The following PIK3AP1 variants were observed in gnomAD, a reference collection of about 807,000 sequenced individuals.
The protein encoded by PIK3AP1 is phosphoinositide-3-kinase adaptor protein 1, also known as phosphoinositide 3-kinase adapter protein 1.
Under a neutral mutation model 88.1 loss-of-function variants are expected in PIK3AP1, and 21 were observed. The ratio of observed to expected loss-of-function variants is 0.24; its 90% CI spans 0.17 to 0.34. PIK3AP1 has a LOEUF of 0.34. Ranked by LOEUF, PIK3AP1 falls within the 10% of genes least tolerant of loss-of-function variation. The pLI, the probability that PIK3AP1 is intolerant of heterozygous loss-of-function variation, is 1.00. For synonymous variants in PIK3AP1, 398 were observed against 400.0 expected, an observed-to-expected ratio of 1.00 and a Z score of 0.06; for missense variants, 828 against 1,035.7, an observed-to-expected ratio of 0.80 and a Z score of 2.75.
At chr10:96,691,620 G>C (rs141918001) in intron 2 of PIK3AP1, among the ~76,000 whole-genome samples, 238 of 152,272 alleles carry the variant, frequency 1.6e-3, no homozygotes, top group African/African-American at 5.6e-3. Flanking sequence ...TTTTAACTCA[G>C]GATTCCATCA....
chr10:96,609,649 G>A, intron 14 of PIK3AP1, 63 bp downstream of exon 14: 1 of 1,564,524 alleles, frequency 6.4e-7, no homozygotes, highest in South Asian at 1.2e-5. Flanking sequence ...GTTTCCTAAG[G>A]TCCAAGGGTG....
chr10:96,617,939 A>C (rs1285127848), intron 12 of PIK3AP1, among the ~76,000 whole-genome samples: 2 of 152,196 alleles, frequency 1.3e-5, no homozygotes, highest in Non-Finnish European at 2.9e-5. Context: ...AAGGAGCTGA[A>C]GGAAAGCTTC....
At chr10:96,656,275 C>T (rs954213556) in intron 3 of PIK3AP1, among the ~76,000 whole-genome samples, 2 of 152,200 alleles carry the variant, frequency 1.3e-5, no homozygotes, top group African/African-American at 2.4e-5. Flanking sequence ...GTAATGTATG[C>T]CCCACCCCTG....
rs560907040 is a variant in PIK3AP1 at position 96,632,784 on chromosome 10, A to G, written c.1376-4291T>C. 2.6e-5 allele frequency: 37 copies of G among 1,433,140 alleles called. No homozygotes were observed. In the African/African-American group the frequency reaches 4.7e-4, roughly 18 times the overall value. The allele number at this position is 1,433,140 out of a possible 1,614,324, so 88.8% of individuals were successfully genotyped here. A position where few individuals can be genotyped will look rare whatever the true frequency, so the allele number is the denominator to read the frequency against. On this transcript the variant is annotated intron_variant, in intron 8 of 16. Coordinates refer to ENST00000339364, the MANE Select transcript of PIK3AP1 (RefSeq NM_152309.3). ...AGCGTGGGCATTAGGATCGCAATGC[A>G]TAGGTTCCAATTGTGTTTTTCCCAC... is the stretch of plus-strand genomic sequence containing the variant.
chr10:96,594,468 T>G lies in PIK3AP1; in HGVS notation c.*1109A>C, dbSNP rs1426786446. On this transcript the variant is annotated 3_prime_UTR_variant, in exon 17 of 17. Coordinates refer to ENST00000339364, the MANE Select transcript of PIK3AP1 (RefSeq NM_152309.3). The surrounding 1 kb of genome is among the most constrained non-coding windows in gnomAD (Gnocchi z 4.6). ...AAATTCAAGTTTTGCTTTTTGAAAC[T>G]TTGTAGATTTTTTTTCAAATATTTT... 2 of 152,244 alleles carry G rather than the reference T, an allele frequency of 1.3e-5. No individual in the cohort carries two copies. The highest frequency in any genetic ancestry group is 2.9e-5 in the Non-Finnish European group (2 of 68,048). 9.4% of individuals were successfully genotyped at this position (152,244 alleles called of 1,614,324 possible). A position where few individuals can be genotyped will look rare whatever the true frequency, so the allele number is the denominator to read the frequency against.
chr10:96,640,229 G>A (rs1042786359), intron 8 of PIK3AP1, among the ~76,000 whole-genome samples: 18 of 152,142 alleles, frequency 1.2e-4, no homozygotes, highest in African/African-American at 3.9e-4. Context: ...AGTTTCTAAC[G>A]GCAAGATGAT....
intron 2 of PIK3AP1, among the ~76,000 whole-genome samples, chr10:96,699,819 A>C (rs1358112008): frequency 6.6e-6 from 1 of 152,192 alleles, no homozygotes; most frequent in Non-Finnish European, 1.5e-5. Flanking sequence ...TCATCTTTAA[A>C]ACGGAAATAA....
rs1429137661 is a variant in PIK3AP1, at chr10:96,628,906, A to G, written c.1376-413T>C. Among the ~76,000 whole-genome samples, 31 of 13,242 alleles carry G rather than the reference A, an allele frequency of 2.3e-3. 1 individual carries two copies. The highest frequency in any genetic ancestry group is 5.6e-3 in the African/African-American group (31 of 5,560). The allele number at this position is 13,242 out of a possible 152,430, so 8.7% of individuals were successfully genotyped here. A position where few individuals can be genotyped will look rare whatever the true frequency, so the allele number is the denominator to read the frequency against. Reference sequence around the variant, plus strand: ...TATATATACATATATATATATATATATGTGTATATATATATATATATATGG... The same window carrying G: ...TATATATACATATATATATATATATGTGTGTATATATATATATATATATGG... On this transcript the variant is annotated intron_variant, in intron 8 of 16. Transcript: ENST00000339364.
chr10:96,677,335 C>A (rs1285715289), intron 2 of PIK3AP1, among the ~76,000 whole-genome samples: 1 of 152,092 alleles, frequency 6.6e-6, no homozygotes, highest in African/African-American at 2.4e-5. Context: ...AATCCAAATT[C>A]TTTAAGAAAT....
Position 96,628,358 on chromosome 10 carries a change from T to C in PIK3AP1, c.1471+40A>G, listed in dbSNP as rs758004337. 4.0e-6 allele frequency: 6 copies of C among 1,490,420 alleles called. No homozygotes were observed. In the South Asian group the frequency reaches 6.8e-5, roughly 17 times the overall value. The allele number at this position is 1,490,420 out of a possible 1,614,324, so 92.3% of individuals were successfully genotyped here. ...AGACAATGTCTTGCATTTGTTTCTC[T>C]TTTGCTCTTTTGGCTTCCCTGCTCA... On this transcript the variant is annotated intron_variant, in intron 9 of 16. Transcript: ENST00000339364.
intron 2 of PIK3AP1, among the ~76,000 whole-genome samples, chr10:96,690,903 C>T (rs1844145559): frequency 1.3e-5 from 2 of 152,138 alleles, no homozygotes; most frequent in African/African-American, 4.8e-5. Flanking sequence ...AGTTGGAAGA[C>T]GTGAGGTATG....
chr10:96,641,956 C>T (rs773504892), intron 8 of PIK3AP1, among the ~76,000 whole-genome samples: 4 of 152,178 alleles, frequency 2.6e-5, no homozygotes, highest in African/African-American at 4.8e-5. Context: ...TGCCTTGTCA[C>T]CTACAGAGCC....
chr10:96,653,479 C>CTTTTTTTTTTT (rs748930022), intron 3 of PIK3AP1, among the ~76,000 whole-genome samples: 1 of 61,806 alleles, frequency 1.6e-5, no homozygotes. Flanking sequence ...ACTTTATACA[C>CTTTTTTTTTTT]TTTTTTTTTT....
chr10:96,680,201 T>G (rs534756551), intron 2 of PIK3AP1, among the ~76,000 whole-genome samples: 1 of 152,354 alleles, frequency 6.6e-6, no homozygotes, highest in East Asian at 1.9e-4. Flanking sequence ...TGGAACACCA[T>G]TCTTGGTAGA....
At chr10:96,661,013 T>C (rs1444704061) in intron 2 of PIK3AP1, among the ~76,000 whole-genome samples, 5 of 152,088 alleles carry the variant, frequency 3.3e-5, no homozygotes, top group Admixed American at 6.5e-5. Flanking sequence ...GGTGAAACCC[T>C]GTTTCTACTG....
chr10:96,678,225 G>GGAGT (rs1442144694), intron 2 of PIK3AP1, among the ~76,000 whole-genome samples: 1 of 152,144 alleles, frequency 6.6e-6, no homozygotes, highest in Non-Finnish European at 1.5e-5. Context: ...TCTGAGGTCA[G>GGAGT]GAGTTCGAGA....
intron 16 of PIK3AP1, among the ~76,000 whole-genome samples, chr10:96,600,148 A>G (rs1402623143): frequency 6.6e-6 from 1 of 152,234 alleles, no homozygotes; most frequent in Non-Finnish European, 1.5e-5. Context: ...TTGGAGAGGT[A>G]TAAAACAATG....
intron 3 of PIK3AP1, among the ~76,000 whole-genome samples, chr10:96,653,479 C>CTTTTTTTTTTTTT (rs748930022): frequency 3.2e-5 from 2 of 61,806 alleles, no homozygotes; most frequent in Non-Finnish European, 5.7e-5. Context: ...ACTTTATACA[C>CTTTTTTTTTTTTT]TTTTTTTTTT....
chr10:96,680,806 A>T (rs1210521825), intron 2 of PIK3AP1, among the ~76,000 whole-genome samples: 1 of 152,202 alleles, frequency 6.6e-6, no homozygotes. Flanking sequence ...TCACTTTCAC[A>T]TGTTGATGCC....
Sources: allele counts gnomAD v4.1 joint callset (sites outside exome capture counted in the v4.1 genomes callset), GRCh38; gene constraint gnomAD v4.1.1; non-coding constraint Gnocchi (gnomAD v3.1); transcripts MANE v1.5; gene names NCBI Gene and HGNC (gene_info 2026-07-23, HGNC 2026-07-21).